Variants in KYNU observed in about 807,000 individuals in gnomAD.
The protein encoded by KYNU is kynureninase.
Under a neutral mutation model 59.2 loss-of-function variants are expected in KYNU, and 54 were observed. The observed-to-expected ratio is 0.91, with a 90% confidence interval of 0.73 to 1.14. The LOEUF is 1.14. Ranked by LOEUF, KYNU falls within the 50% of genes most tolerant of loss-of-function variation. KYNU has a pLI of 0.00. For missense variants in KYNU, 567 were observed against 554.4 expected, an observed-to-expected ratio of 1.02 and a Z score of -0.23; for synonymous variants, 177 against 192.0, an observed-to-expected ratio of 0.92 and a Z score of 0.65.
chr2:142,943,596 T>C (rs141066984), intron 4 of KYNU, among the ~76,000 whole-genome samples: 1 of 152,292 alleles, frequency 6.6e-6, no homozygotes, highest in Non-Finnish European at 1.5e-5. Context: ...AAGAATATTA[T>C]TAATATTATT....
chr2:142,906,649 G>A (rs1244153647), intron 2 of KYNU, among the ~76,000 whole-genome samples: 2 of 152,122 alleles, frequency 1.3e-5, no homozygotes, highest in Non-Finnish European at 2.9e-5. Flanking sequence ...TAGTATCTAG[G>A]AGGCAGGGAT....
chr2:142,940,684 A>C (rs1683566372), intron 4 of KYNU, among the ~76,000 whole-genome samples: 1 of 152,194 alleles, frequency 6.6e-6, no homozygotes, highest in Non-Finnish European at 1.5e-5. Context: ...TGTCAACCAT[A>C]GCTGTAGGGG....
intron 4 of KYNU, among the ~76,000 whole-genome samples, chr2:142,929,007 C>CA (rs761809423): frequency 0.13 from 6,104 of 48,032 alleles, 1,130 homozygotes; most frequent in African/African-American, 0.28. Flanking sequence ...CACCCTGTCT[C>CA]AAAAAAAAAA....
At chr2:142,927,529 T>G in intron 3 of KYNU, 130 bp from the exon 4 acceptor site, 2 of 666,392 alleles carry the variant, frequency 3.0e-6, no homozygotes, top group Non-Finnish European at 2.7e-6. Context: ...TAAAAAGGCC[T>G]GATTTTATAT....
At chr2:142,967,283 A>G (rs1684577427) in intron 8 of KYNU, 1 of 152,128 alleles carries the variant, frequency 6.6e-6, no homozygotes, top group Non-Finnish European at 1.5e-5. Flanking sequence ...TAGTGTACCT[A>G]ATGGATGCTG....
At chr2:143,002,458 A>T (rs558351910) in intron 10 of KYNU, among the ~76,000 whole-genome samples, 30 of 152,314 alleles carry the variant, frequency 2.0e-4, no homozygotes, top group East Asian at 1.5e-3. Flanking sequence ...AGCACAAGTT[A>T]TTATTTCCTC....
intron 2 of KYNU, 66 bp from the exon 3 acceptor site, chr2:142,918,543 C>A: frequency 2.1e-6 from 3 of 1,436,426 alleles, no homozygotes; most frequent in Non-Finnish European, 2.8e-6. Context: ...TTTGTACTGG[C>A]TTAACAATAC....
chr2:142,910,403 C>A (rs1175115223), intron 2 of KYNU, among the ~76,000 whole-genome samples: 3 of 151,942 alleles, frequency 2.0e-5, no homozygotes, highest in Non-Finnish European at 4.4e-5. Flanking sequence ...CTATTCTTTG[C>A]CCATTTTTTA....
At chr2:142,944,918 C>G (rs968366434) in intron 4 of KYNU, among the ~76,000 whole-genome samples, 2 of 152,172 alleles carry the variant, frequency 1.3e-5, no homozygotes, top group Non-Finnish European at 2.9e-5. Flanking sequence ...TTACACTATA[C>G]TGTAGTCTAT....
chr2:142,950,396 G>A (rs1573829141), intron 4 of KYNU, among the ~76,000 whole-genome samples: 1 of 152,190 alleles, frequency 6.6e-6, no homozygotes, highest in African/African-American at 2.4e-5. Flanking sequence ...AAATGAAAGA[G>A]GTTTACCAGA....
intron 5 of KYNU, among the ~76,000 whole-genome samples, chr2:142,955,659 T>A (rs1196665744): frequency 1.3e-5 from 2 of 152,096 alleles, no homozygotes; most frequent in Non-Finnish European, 2.9e-5. Flanking sequence ...TGAAAATTGC[T>A]TTAGTACCCT....
chr2:143,026,332 C>T (rs908134247), intron 10 of KYNU, among the ~76,000 whole-genome samples: 11 of 152,162 alleles, frequency 7.2e-5, no homozygotes, highest in African/African-American at 2.7e-4. Context: ...CAGATGGTTT[C>T]GACACTGAAA....
At position 143,040,375 on chromosome 2, in the gene KYNU, G is replaced by A. The variant is rs1687006880; in HGVS notation, c.1042-53G>A. On this transcript the variant is annotated intron_variant, in intron 12 of 13. Transcript: ENST00000264170. ...TATGCATGATTTACTCTTAATTTTT[G>A]CTTCTTTGTAAATCAATAAGACACT... 4.7e-6 allele frequency: 6 copies of A among 1,271,286 alleles called. No individual in the cohort carries two copies. The Admixed American group carries it at 5.1e-5, about 11-fold the overall frequency. The allele number at this position is 1,271,286 out of a possible 1,614,324, so 78.8% of individuals were successfully genotyped here.
intron 3 of KYNU, among the ~76,000 whole-genome samples, chr2:142,924,598 C>G (rs557495769): frequency 2.0e-5 from 3 of 152,148 alleles, no homozygotes; most frequent in Non-Finnish European, 4.4e-5. Context: ...TATTAACTTC[C>G]TAATTTTACA....
intron 2 of KYNU, among the ~76,000 whole-genome samples, chr2:142,910,850 T>C (rs1682457439): frequency 6.6e-6 from 1 of 152,230 alleles, no homozygotes; most frequent in African/African-American, 2.4e-5. Flanking sequence ...TTGCTTGTTT[T>C]TGTCAACTTT....
chr2:142,928,583 G>C (rs1219922025), intron 4 of KYNU, among the ~76,000 whole-genome samples: 2 of 152,160 alleles, frequency 1.3e-5, no homozygotes. Flanking sequence ...AGTGGGGAAA[G>C]CTGGACTTAT....
Position 142,960,683 on chromosome 2 carries a change from A to G in KYNU, c.642A>G (p.Ser214=). The G allele has an allele frequency of 6.2e-7, 1 of 1,613,814 alleles. No individual in the cohort carries two copies. The change falls in exon 8 of 14, where the codon TCA becomes TCG. Residue 214 remains serine (S), a synonymous_variant. Coordinates refer to ENST00000264170, the MANE Select transcript of KYNU (RefSeq NM_003937.3). ...ILEVIEKEGD[S]IAVILFSGVH... ...AAGTAATTGAGAAGGAAGGAGACTC[A>G]ATTGCAGTGATCCTGTTCAGTGGGG...
At chr2:142,941,170 C>T (rs2105050206) in intron 4 of KYNU, among the ~76,000 whole-genome samples, 1 of 152,276 alleles carries the variant, frequency 6.6e-6, no homozygotes, top group East Asian at 1.9e-4. Context: ...ATGGGCAGCC[C>T]CCCATAGTGA....
At chr2:143,025,112 A>G (rs957194235) in intron 10 of KYNU, among the ~76,000 whole-genome samples, 1 of 151,880 alleles carries the variant, frequency 6.6e-6, no homozygotes, top group Non-Finnish European at 1.5e-5. Flanking sequence ...TATTGTTAAG[A>G]TATGTTAATC....
Sources: allele counts gnomAD v4.1 joint callset (sites outside exome capture counted in the v4.1 genomes callset), GRCh38; gene constraint gnomAD v4.1.1; transcripts MANE v1.5; gene names NCBI Gene and HGNC (gene_info 2026-07-23, HGNC 2026-07-21).